The following SFMBT2 variants were observed in gnomAD, a reference collection of about 807,000 sequenced individuals.
SFMBT2 encodes the protein Scm like with four mbt domains 2, also known as scm-like with four MBT domains protein 2.
SFMBT2 carries 38 observed loss-of-function variants against 110.1 expected under a neutral mutation model. The ratio of observed to expected loss-of-function variants is 0.35; its 90% CI spans 0.27 to 0.45. SFMBT2 has a LOEUF of 0.45. Among genes scored for constraint, SFMBT2 ranks in the 20% least tolerant of loss-of-function variants. The pLI is 1.00. For missense variants in SFMBT2, 1,011 were observed against 1,094.9 expected (o/e 0.92, Z 1.08); for synonymous variants, 425 against 425.4 (o/e 1.00, Z 0.01).
At chr10:7,384,248 A>C (rs1246923526) in intron 1 of SFMBT2, among the ~76,000 whole-genome samples, 1 of 148,666 alleles carries the variant, frequency 6.7e-6, no homozygotes. Flanking sequence ...ACAACCACAG[A>C]AAGGACAAAT....
At position 7,397,988 on chromosome 10, in the gene SFMBT2, C is replaced by T. The variant is rs546720035; in HGVS notation, c.-52+12873G>A. 6.4e-4 allele frequency among the ~76,000 whole-genome samples: 98 copies of T among 152,342 alleles called. 1 individual carries two copies. Among genetic ancestry groups the T allele is most frequent in the African/African-American group, 1.8e-3 (76 of 41,580 alleles). ...CTTGCCATCCGCCATATGCTCAGAG[C>T]TTGATTTACCTTGATTAGGACAGCA... On this transcript the variant is annotated intron_variant, in intron 1 of 20. Coordinates refer to ENST00000397167, the MANE Select transcript of SFMBT2 (RefSeq NM_001387889.1).
intron 8 of SFMBT2, chr10:7,246,161 C>T (rs1388941119): frequency 1.0e-6 from 1 of 984,798 alleles, no homozygotes; most frequent in African/African-American, 1.8e-5. Flanking sequence ...TACGAAACGG[C>T]ATGACTTATT....
intron 4 of SFMBT2, among the ~76,000 whole-genome samples, chr10:7,300,713 T>C (rs981365210): frequency 6.6e-6 from 1 of 152,222 alleles, no homozygotes; most frequent in Non-Finnish European, 1.5e-5. Context: ...CCCAGCATCG[T>C]CTCTGGCACT....
chr10:7,364,437 A>G (rs1190255202), intron 4 of SFMBT2, among the ~76,000 whole-genome samples: 1 of 152,186 alleles, frequency 6.6e-6, no homozygotes, highest in Non-Finnish European at 1.5e-5. Context: ...AGTGTGTGTG[A>G]CTGCTGCCAC....
intron 4 of SFMBT2, among the ~76,000 whole-genome samples, chr10:7,324,918 C>T (rs990450918): frequency 2.7e-5 from 4 of 149,932 alleles, no homozygotes; most frequent in South Asian, 2.1e-4. Context: ...AGGACCCAGC[C>T]TTATGTCCTC....
At chr10:7,179,719 A>T (rs1838189891) in intron 16 of SFMBT2, among the ~76,000 whole-genome samples, 2 of 152,236 alleles carry the variant, frequency 1.3e-5, no homozygotes, top group South Asian at 4.1e-4. Context: ...CCAGGTGACG[A>T]AGCACACACA....
chr10:7,230,608 C>T (rs1345129159), intron 9 of SFMBT2, among the ~76,000 whole-genome samples: 4 of 152,136 alleles, frequency 2.6e-5, no homozygotes, highest in African/African-American at 7.2e-5. Context: ...TCTTCTGTGC[C>T]CCACTTTCCT....
rs1476995074 is a variant in SFMBT2 at position 7,162,052 on chromosome 10, T to C, written c.*1718A>G. ...TGGCAGCCACCACAGCGGAACACTGTAGTCCACAGGGTCTGAGTGGAGATA... is the reference window on the plus strand; with the variant it reads ...TGGCAGCCACCACAGCGGAACACTGCAGTCCACAGGGTCTGAGTGGAGATA... On this transcript the variant is annotated 3_prime_UTR_variant, in exon 21 of 21. Transcript: ENST00000397167. 1 of 152,188 alleles carries C rather than the reference T, an allele frequency of 6.6e-6. No individual in the cohort carries two copies. The allele number at this position is 152,188 out of a possible 1,614,324, so 9.4% of individuals were successfully genotyped here. A position where few individuals can be genotyped will look rare whatever the true frequency, so the allele number is the denominator to read the frequency against.
intron 4 of SFMBT2, among the ~76,000 whole-genome samples, chr10:7,318,769 T>C (rs1002777796): frequency 3.9e-5 from 6 of 152,214 alleles, no homozygotes; most frequent in African/African-American, 1.2e-4. Flanking sequence ...GTGGCAAATA[T>C]GTTATCAGAC....
At chr10:7,201,911 C>T (rs1319333146) in intron 13 of SFMBT2, among the ~76,000 whole-genome samples, 1 of 152,194 alleles carries the variant, frequency 6.6e-6, no homozygotes, top group Non-Finnish European at 1.5e-5. Context: ...CAGCCTACAA[C>T]TTAAGGCCTA....
At chr10:7,347,539 A>G (rs555295084) in intron 4 of SFMBT2, among the ~76,000 whole-genome samples, 1 of 152,318 alleles carries the variant, frequency 6.6e-6, no homozygotes, top group Admixed American at 6.5e-5. Flanking sequence ...TAGAAGGAGA[A>G]AAGAAACCCG....
intron 4 of SFMBT2, among the ~76,000 whole-genome samples, chr10:7,304,300 C>T (rs1221036917): frequency 6.6e-6 from 1 of 152,198 alleles, no homozygotes; most frequent in Admixed American, 6.5e-5. Context: ...TGCACACACT[C>T]TCTTGCCCGT....
At chr10:7,212,390 C>T (rs1839378684) in intron 11 of SFMBT2, among the ~76,000 whole-genome samples, 1 of 152,176 alleles carries the variant, frequency 6.6e-6, no homozygotes, top group Admixed American at 6.5e-5. Flanking sequence ...TTCACAGGAC[C>T]GCCTGTAAAA....
chr10:7,324,905 T>C (rs1429544817), intron 4 of SFMBT2, among the ~76,000 whole-genome samples: 1 of 151,716 alleles, frequency 6.6e-6, no homozygotes, highest in African/African-American at 2.4e-5. Flanking sequence ...TCCTAAAGGA[T>C]TAAGGACCCA....
In SFMBT2 at chr10:7,345,864, C is replaced by T. The variant is rs115860462; in HGVS notation, c.436+21785G>A. Among the ~76,000 whole-genome samples the T allele has an allele frequency of 7.9e-4, 120 of 152,278 alleles. 1 individual carries two copies. The highest frequency in any genetic ancestry group is 2.8e-3 in the African/African-American group (117 of 41,544). On this transcript the variant is annotated intron_variant, in intron 4 of 20. Transcript: ENST00000397167. ...TCACCCTTCCTCCATGTCTTCACAG[C>T]GACACAGACACTAGCTGGAACGGAA...
chr10:7,320,843 T>C (rs997545817), intron 4 of SFMBT2, among the ~76,000 whole-genome samples: 1 of 152,150 alleles, frequency 6.6e-6, no homozygotes, highest in Non-Finnish European at 1.5e-5. Flanking sequence ...ACTCTGTAGC[T>C]CTAAACTGCC....
At chr10:7,194,476 G>A (rs1472985735) in intron 15 of SFMBT2, among the ~76,000 whole-genome samples, 2 of 152,130 alleles carry the variant, frequency 1.3e-5, no homozygotes, top group Non-Finnish European at 2.9e-5. Flanking sequence ...TGGCAGAACA[G>A]ATCAGGGTGA....
intron 2 of SFMBT2, among the ~76,000 whole-genome samples, chr10:7,372,292 G>T (rs1437504895): frequency 2.6e-5 from 4 of 152,200 alleles, no homozygotes; most frequent in Non-Finnish European, 5.9e-5. Flanking sequence ...GAAATTGAGG[G>T]AAGAGGATCA....
At chr10:7,355,237 G>C (rs1312774362) in intron 4 of SFMBT2, among the ~76,000 whole-genome samples, 1 of 152,098 alleles carries the variant, frequency 6.6e-6, no homozygotes, top group Non-Finnish European at 1.5e-5. Flanking sequence ...TCTTTCTAAA[G>C]TGTCTACTAA....
Sources: allele counts gnomAD v4.1 joint callset (sites outside exome capture counted in the v4.1 genomes callset), GRCh38; gene constraint gnomAD v4.1.1; transcripts MANE v1.5; gene names NCBI Gene and HGNC (gene_info 2026-07-23, HGNC 2026-07-21).